The following NALCN variants were observed in gnomAD, a reference collection of about 807,000 sequenced individuals.
NALCN encodes the protein sodium leak channel, non-selective.
Under a neutral mutation model 225.3 loss-of-function variants are expected in NALCN, and 111 were observed. The observed-to-expected ratio is 0.49, with a 90% confidence interval of 0.42 to 0.58. The LOEUF is 0.58. Among genes scored for constraint, NALCN ranks in the 20% least tolerant of loss-of-function variants. The pLI is 0.00. For synonymous variants in NALCN, 764 were observed against 769.0 expected, an observed-to-expected ratio of 0.99 and a Z score of 0.11; for missense variants, 1,378 against 2,202.4, an observed-to-expected ratio of 0.63 and a Z score of 7.49.
intron 37 of NALCN, among the ~76,000 whole-genome samples, chr13:101,072,297 A>G (rs1014924160): frequency 2.0e-5 from 3 of 152,244 alleles, no homozygotes; most frequent in African/African-American, 7.2e-5. Flanking sequence ...GCAAAAGGCA[A>G]TAAGGGAAGC....
At chr13:101,221,398 T>C (rs1218981780) in intron 13 of NALCN, among the ~76,000 whole-genome samples, 1 of 152,168 alleles carries the variant, frequency 6.6e-6, no homozygotes, top group African/African-American at 2.4e-5. Flanking sequence ...ATTACAGGCA[T>C]GAGCCCTGCA....
Position 101,080,634 on chromosome 13 carries a change from TTAAA to T in NALCN, c.3885+889_3885+892del, listed in dbSNP as rs1278898237. ...ATAATCAATTAAATTAATTATTTAA[TTAAA>T]TATATTAATATATAATATATAACTA... On this transcript the variant is annotated intron_variant, in intron 34 of 43. Coordinates refer to ENST00000251127, the MANE Select transcript of NALCN (RefSeq NM_052867.4). 3.0e-3 allele frequency among the ~76,000 whole-genome samples: 433 copies of T among 146,142 alleles called. 1 individual carries two copies. The highest frequency in any genetic ancestry group is 4.8e-3 in the Non-Finnish European group (320 of 66,518).
chr13:101,075,962 A>G (rs1250648791), intron 34 of NALCN, 21 bp from the exon 35 acceptor site: 3 of 1,601,114 alleles, frequency 1.9e-6, no homozygotes, highest in Non-Finnish European at 2.6e-6. Context: ...AACAGAAGAC[A>G]GCTTCTCATA....
intron 7 of NALCN, among the ~76,000 whole-genome samples, chr13:101,332,178 T>C (rs549594098): frequency 6.6e-6 from 1 of 151,706 alleles, no homozygotes; most frequent in East Asian, 1.9e-4. Flanking sequence ...ATAGAGAGAA[T>C]GGAGAAGAGA....
intron 15 of NALCN, among the ~76,000 whole-genome samples, chr13:101,147,354 C>CTT (rs34988610): frequency 4.9e-4 from 61 of 125,070 alleles, no homozygotes; most frequent in East Asian, 6.9e-4. Context: ...CTCTCTCTCT[C>CTT]TTTTTTTTTT....
At chr13:101,299,038 T>G (rs2139083399) in intron 7 of NALCN, among the ~76,000 whole-genome samples, 1 of 152,264 alleles carries the variant, frequency 6.6e-6, no homozygotes, top group Middle Eastern at 3.4e-3. Flanking sequence ...CATTTCATTC[T>G]TCTTTAAAGA....
chr13:101,101,277 TTTTC>T (rs1299360737), intron 26 of NALCN, among the ~76,000 whole-genome samples: 1 of 105,964 alleles, frequency 9.4e-6, no homozygotes, highest in African/African-American at 4.0e-5. Flanking sequence ...ATTTATTTTT[TTTTC>T]TTTTTTTTTT....
Position 101,378,642 on chromosome 13 carries a change from G to C in NALCN, c.303C>G (p.Ser101=), listed in dbSNP as rs768642170. The change falls in exon 4 of 44, where the codon TCC becomes TCG. Residue 101 remains serine (S), a synonymous_variant. Coordinates refer to ENST00000251127, the MANE Select transcript of NALCN (RefSeq NM_052867.4). ...AAACACACCAGCGATCTTTCACATA[G>C]GAACTATCCCCCTAAAAATAAATTT... ...HIRGIVKGDS[S]YVKDRWCVFD... is the part of the protein sequence containing the mutation. The C allele has an allele frequency of 6.2e-7, 1 of 1,607,432 alleles. No individual in the cohort carries two copies. Among genetic ancestry groups the C allele is most frequent in the Admixed American group, 1.7e-5 (1 of 59,554 alleles).
rs1330733973 is a variant in NALCN, at chr13:101,292,196, ACTTT to A, written c.942+24_942+27del. ...TCTGCAGAACTATCACAGAACATAGACTTTCTTAGTACAATTCTTCGCAGTACCT... is the reference window on the plus strand; with the variant it reads ...TCTGCAGAACTATCACAGAACATAGACTTAGTACAATTCTTCGCAGTACCT... On this transcript the variant is annotated intron_variant, in intron 8 of 43. Coordinates refer to ENST00000251127, the MANE Select transcript of NALCN (RefSeq NM_052867.4). This position sits in a 1 kb window ranked among gnomAD's most constrained non-coding sequence, Gnocchi z 4.3. The A allele has an allele frequency of 1.2e-6, 2 of 1,613,450 alleles. No individual in the cohort carries two copies. The highest frequency in any genetic ancestry group is 8.5e-7 in the Non-Finnish European group (1 of 1,179,638).
chr13:101,218,636 A>G (rs1243939671), intron 13 of NALCN, among the ~76,000 whole-genome samples: 1 of 152,128 alleles, frequency 6.6e-6, no homozygotes, highest in African/African-American at 2.4e-5. Context: ...GTTGAGCACC[A>G]TCTTCTCAGT....
At chr13:101,074,386 A>T in intron 36 of NALCN, 128 bp downstream of exon 36, 1 of 830,786 alleles carries the variant, frequency 1.2e-6, no homozygotes, top group South Asian at 4.5e-5. Flanking sequence ...ATTTTATTTT[A>T]ATTTCCAACT....
At position 101,106,321 on chromosome 13, in the gene NALCN, C is replaced by T. The variant is rs147653042; in HGVS notation, c.2579+1166G>A. On this transcript the variant is annotated intron_variant, in intron 22 of 43. Transcript: ENST00000251127. ...GAGGTTCTGAGGGTTTGGACTCTAC[C>T]GTATGGATTTTGTGGAGGGGGAACA... Among the ~76,000 whole-genome samples the T allele has an allele frequency of 8.5e-3, 1,286 of 152,188 alleles. 55 individuals carry two copies. Among genetic ancestry groups the T allele is most frequent in the Admixed American group, 0.065 (999 of 15,268 alleles).
chr13:101,182,282 C>T (rs1168028160), intron 14 of NALCN, among the ~76,000 whole-genome samples: 2 of 152,080 alleles, frequency 1.3e-5, no homozygotes, highest in African/African-American at 4.8e-5. Flanking sequence ...GCTGCACTGA[C>T]TCCTCAAGGC....
In NALCN at chr13:101,304,560, G is replaced by A. The variant is rs899134799; in HGVS notation, c.800-12194C>T. 2.0e-5 allele frequency among the ~76,000 whole-genome samples: 3 copies of A among 152,032 alleles called. No individual in the cohort carries two copies. In the East Asian group the frequency reaches 5.8e-4, roughly 30 times the overall value. Reference sequence around the variant, plus strand: ...CAATCTCCGCCTGGGATTACAGGCGGATGAGGAGCTGGGACTACAGGCACT... The same window carrying A: ...CAATCTCCGCCTGGGATTACAGGCGAATGAGGAGCTGGGACTACAGGCACT... On this transcript the variant is annotated intron_variant, in intron 7 of 43. Transcript: ENST00000251127.
chr13:101,104,869 G>T lies in NALCN; in HGVS notation c.2636+25C>A, dbSNP rs754188912. The T allele has an allele frequency of 4.3e-6, 7 of 1,611,896 alleles. No homozygotes were observed. The South Asian group carries it at 5.5e-5, about 13-fold the overall frequency. On this transcript the variant is annotated intron_variant, in intron 23 of 43. Coordinates refer to ENST00000251127, the MANE Select transcript of NALCN (RefSeq NM_052867.4). This position sits in a 1 kb window ranked among gnomAD's most constrained non-coding sequence, Gnocchi z 4.2. ...GTACATGAAAACTTTAAATGTGCATGGAAAATGAAGTTGGTGATGCTTACT... is the reference window on the plus strand; with the variant it reads ...GTACATGAAAACTTTAAATGTGCATTGAAAATGAAGTTGGTGATGCTTACT...
chr13:101,121,091 G>A (rs1481166469), intron 18 of NALCN, among the ~76,000 whole-genome samples: 2 of 152,106 alleles, frequency 1.3e-5, no homozygotes, highest in Non-Finnish European at 2.9e-5. Context: ...TTTTAAGGTA[G>A]ATAAGAAAAC....
Position 101,163,989 on chromosome 13 carries a change from A to C in NALCN, c.1839+12311T>G, listed in dbSNP as rs151075501. Among the ~76,000 whole-genome samples the C allele has an allele frequency of 7.2e-4, 110 of 152,122 alleles. 1 individual carries two copies. Among genetic ancestry groups the C allele is most frequent in the African/African-American group, 2.4e-3 (101 of 41,484 alleles). Reference sequence around the variant, plus strand: ...CTGGTCTGTGGCTTCATCATCACACAGTGCTCTCTCTGTGTGTCTGTGTCT... The same window carrying C: ...CTGGTCTGTGGCTTCATCATCACACCGTGCTCTCTCTGTGTGTCTGTGTCT... On this transcript the variant is annotated intron_variant, in intron 15 of 43. Coordinates refer to ENST00000251127, the MANE Select transcript of NALCN (RefSeq NM_052867.4).
At chr13:101,417,178 CT>C (rs1368506779), upstream of NALCN, among the ~76,000 whole-genome samples, 1 of 152,120 alleles carries the variant, frequency 6.6e-6, no homozygotes, top group African/African-American at 2.4e-5. Context: ...TTAGGGAAAT[CT>C]GGCCTCCTAA....
At chr13:101,228,167 G>A (rs58918727) in intron 13 of NALCN, among the ~76,000 whole-genome samples, 25,705 of 151,914 alleles carry the variant, frequency 0.17, 2,401 homozygotes, top group East Asian at 0.36. Context: ...ATCCTTGGCG[G>A]CACATGAATG....
Sources: gnomAD v4.1 joint callset for allele counts (sites outside exome capture counted in the v4.1 genomes callset) on GRCh38, gnomAD v4.1.1 for gene constraint, Gnocchi (gnomAD v3.1) non-coding constraint, MANE v1.5 for transcripts, NCBI Gene and HGNC (gene_info 2026-07-23, HGNC 2026-07-21) for gene names.